SYN2: variants seen among roughly 807,000 people sequenced by gnomAD.
The protein encoded by SYN2 is synapsin-2.
Under a neutral mutation model 50.9 loss-of-function variants are expected in SYN2, and 19 were observed. The observed-to-expected ratio is 0.37, with a 90% CI of 0.26 to 0.55. SYN2 has a LOEUF of 0.55. Among genes scored for constraint, SYN2 ranks in the 20% least tolerant of loss-of-function variants. The pLI, the probability that SYN2 is intolerant of heterozygous loss-of-function variation, is 0.81. For synonymous variants in SYN2, 255 were observed against 224.9 expected (o/e 1.13, Z -1.20); for missense variants, 587 against 576.4 (o/e 1.02, Z -0.19).
At chr3:12,050,977 C>T (rs1337462174) in intron 1 of SYN2, among the ~76,000 whole-genome samples, 1 of 145,040 alleles carries the variant, frequency 6.9e-6, no homozygotes, top group Admixed American at 6.8e-5. Flanking sequence ...CCTCATGATC[C>T]ACCCGCCTCG....
At chr3:12,130,572 T>C (rs1255185345) in intron 1 of SYN2, among the ~76,000 whole-genome samples, 1 of 152,110 alleles carries the variant, frequency 6.6e-6, no homozygotes, top group Non-Finnish European at 1.5e-5. Flanking sequence ...GTCTACTCAT[T>C]CAAATGTTAA....
chr3:12,103,324 G>C (rs1214111260), intron 1 of SYN2, among the ~76,000 whole-genome samples: 2 of 152,148 alleles, frequency 1.3e-5, no homozygotes, highest in East Asian at 3.9e-4. Flanking sequence ...ATGTAAAAAA[G>C]AAAGGCAAGC....
rs1693754032 is a variant in SYN2, at chr3:12,004,757, C to G, written c.206C>G (p.Ala69Gly). 5.8e-6 allele frequency: 2 copies of G among 342,356 alleles called. No homozygotes were observed. Among genetic ancestry groups the G allele is most frequent in the Admixed American group, 9.7e-5 (2 of 20,542 alleles). The allele number at this position is 342,356 out of a possible 1,614,324, so 21.2% of individuals were successfully genotyped here. A position where few individuals can be genotyped will look rare whatever the true frequency, so the allele number is the denominator to read the frequency against. Residue 69 changes from alanine to glycine, a missense_variant, in exon 1 of 13, where the codon GCG becomes GGG. Transcript: ENST00000621198. The part of the protein sequence containing the change: ...ERRPPPASAP[A>G]PQPAPTPSVG... Reference sequence around the variant, plus strand: ...AGGCCGCCGCCCGCCTCGGCGCCCGCGCCGCAGCCCGCGCCGACGCCGTCG... The same window carrying G: ...AGGCCGCCGCCCGCCTCGGCGCCCGGGCCGCAGCCCGCGCCGACGCCGTCG...
intron 4 of SYN2, among the ~76,000 whole-genome samples, chr3:12,147,727 C>T (rs1697185091): frequency 6.6e-6 from 1 of 152,140 alleles, no homozygotes; most frequent in Non-Finnish European, 1.5e-5. Context: ...ACCTGTGCCC[C>T]AGTTTCTTCA....
intron 10 of SYN2, among the ~76,000 whole-genome samples, chr3:12,170,302 G>A (rs903305357): frequency 6.6e-6 from 1 of 152,214 alleles, no homozygotes; most frequent in African/African-American, 2.4e-5. Flanking sequence ...TGTTGAGCCT[G>A]CTATCTTCGT....
intron 1 of SYN2, among the ~76,000 whole-genome samples, chr3:12,045,511 G>A (rs887533521): frequency 1.8e-4 from 28 of 152,136 alleles, no homozygotes; most frequent in Non-Finnish European, 1.2e-4. Flanking sequence ...TGGAGGATGG[G>A]GGATTCCGTT....
At chr3:12,070,778 C>A in intron 1 of SYN2, 1 of 664,466 alleles carries the variant, frequency 1.5e-6, no homozygotes, top group Non-Finnish European at 2.7e-6. Context: ...CTGGACCTGG[C>A]TGGTGGGGAC....
chr3:12,185,647 A>G (rs1043423159), intron 11 of SYN2: 35 of 985,736 alleles, frequency 3.6e-5, no homozygotes, highest in Non-Finnish European at 3.9e-5. Context: ...ACCTCAGCCA[A>G]TGCTGGAAGT....
In SYN2 at chr3:12,181,807, AC is replaced by A. The variant is rs201317343; in HGVS notation, c.1309-1503del. On this transcript the variant is annotated intron_variant, in intron 10 of 12. Coordinates refer to ENST00000621198, the MANE Select transcript of SYN2 (RefSeq NM_133625.6). ...GTCCAGGGAAGATGGTGACTCAGAT[AC>A]CAGGAGGGAAAAGTGGAGGAGTCCT... 9.5e-4 allele frequency among the ~76,000 whole-genome samples: 145 copies of A among 151,904 alleles called. 1 individual carries two copies. In the East Asian group the frequency reaches 0.024, roughly 25 times the overall value.
At chr3:12,135,137 C>A (rs1696866642) in intron 1 of SYN2, among the ~76,000 whole-genome samples, 1 of 152,202 alleles carries the variant, frequency 6.6e-6, no homozygotes, top group African/African-American at 2.4e-5. Flanking sequence ...AGGGATACCC[C>A]TGTGCCAGTA....
intron 5 of SYN2, chr3:12,158,894 A>G (rs113012385): frequency 2.0e-6 from 3 of 1,468,136 alleles, no homozygotes; most frequent in Non-Finnish European, 2.7e-6. Flanking sequence ...GGACGGCCCC[A>G]GCAGGGCTCC....
At chr3:12,105,287 C>A (rs307554) in intron 1 of SYN2, among the ~76,000 whole-genome samples, 96,505 of 151,546 alleles carry the variant, frequency 0.64, 33,341 homozygotes, top group South Asian at 0.78. Context: ...CATTTTTGAG[C>A]CTGCTGAACT....
chr3:12,148,359 A>T (rs886340854), intron 4 of SYN2, among the ~76,000 whole-genome samples: 13 of 152,240 alleles, frequency 8.5e-5, no homozygotes, highest in African/African-American at 3.1e-4. Flanking sequence ...CAGCTGCCAC[A>T]TGAATGACGT....
At chr3:12,115,099 A>G (rs1020502949) in intron 1 of SYN2, among the ~76,000 whole-genome samples, 3 of 152,208 alleles carry the variant, frequency 2.0e-5, no homozygotes, top group African/African-American at 7.2e-5. Flanking sequence ...CATCTGAACA[A>G]AGGCATTTTT....
At chr3:12,092,874 T>C (rs1695858816) in intron 1 of SYN2, among the ~76,000 whole-genome samples, 1 of 152,218 alleles carries the variant, frequency 6.6e-6, no homozygotes, top group African/African-American at 2.4e-5. Context: ...TCTTGATCAG[T>C]ATTAAAGACC....
At chr3:12,010,148 T>A (rs982397875) in intron 1 of SYN2, among the ~76,000 whole-genome samples, 6 of 152,172 alleles carry the variant, frequency 3.9e-5, no homozygotes, top group Non-Finnish European at 8.8e-5. Context: ...GACCTAGTCG[T>A]CAAAATCCAG....
At chr3:12,076,506 T>C (rs1014772049) in intron 1 of SYN2, among the ~76,000 whole-genome samples, 9 of 152,072 alleles carry the variant, frequency 5.9e-5, no homozygotes, top group African/African-American at 2.2e-4. Flanking sequence ...ATATTCACCT[T>C]TTTATCCGTC....
intron 4 of SYN2, among the ~76,000 whole-genome samples, chr3:12,148,244 C>T (rs1471272642): frequency 6.6e-6 from 1 of 152,206 alleles, no homozygotes; most frequent in Non-Finnish European, 1.5e-5. Flanking sequence ...TGAGGGGTCA[C>T]ACTCTCACCC....
intron 1 of SYN2, among the ~76,000 whole-genome samples, chr3:12,068,493 C>T (rs1013340420): frequency 5.3e-5 from 8 of 152,118 alleles, no homozygotes; most frequent in African/African-American, 1.7e-4. Context: ...ATTTGTTTTG[C>T]TTGACTCTCT....
Sources: allele counts gnomAD v4.1 joint callset (sites outside exome capture counted in the v4.1 genomes callset), GRCh38; gene constraint gnomAD v4.1.1; transcripts MANE v1.5; gene names NCBI Gene and HGNC (gene_info 2026-07-23, HGNC 2026-07-21).